Variants in APBA2 observed in about 807,000 individuals in gnomAD.
APBA2 encodes amyloid beta precursor protein binding family A member 2.
In APBA2, 30 loss-of-function variants were observed where a neutral mutation model predicts 75.0. That is an observed-to-expected ratio of 0.40 (90% confidence interval 0.30 to 0.54). The LOEUF is 0.54. Among genes scored for constraint, APBA2 ranks in the 20% least tolerant of loss-of-function variants. The probability of loss-of-function intolerance (pLI) is 0.49; values close to 1 mark genes in which losing one functional copy is unlikely to be tolerated. For synonymous variants in APBA2, 444 were observed against 409.6 expected (o/e 1.08, Z -1.01); for missense variants, 801 against 1,016.1 (o/e 0.79, Z 2.88).
chr15:29,105,253 G>A lies in APBA2; in HGVS notation c.1525-126G>A, dbSNP rs560850036. 22 of 941,538 alleles carry A rather than the reference G, an allele frequency of 2.3e-5. No individual in the cohort carries two copies. In the East Asian group the frequency reaches 3.2e-4, roughly 14 times the overall value. The allele number at this position is 941,538 out of a possible 1,614,324, so 58.3% of individuals were successfully genotyped here. A position where few individuals can be genotyped will look rare whatever the true frequency, so the allele number is the denominator to read the frequency against. On this transcript the variant is annotated intron_variant, in intron 10 of 14. Transcript: ENST00000683413. ...GTTTCTTTCTTGTTCTTCTAAGCCC[G>A]AGCAAGGGCTCCCTTGAAGGCTTAT...
intron 1 of APBA2, among the ~76,000 whole-genome samples, chr15:28,921,034 C>G (rs938007060): frequency 2.0e-5 from 3 of 152,134 alleles, no homozygotes; most frequent in African/African-American, 7.2e-5. Context: ...GATGGCTTCT[C>G]TGGGCACCAG....
intron 3 of APBA2, among the ~76,000 whole-genome samples, chr15:29,050,035 A>G (rs1566945769): frequency 6.6e-6 from 1 of 152,200 alleles, no homozygotes; most frequent in Non-Finnish European, 1.5e-5. Flanking sequence ...CATAAAATTA[A>G]TGAGACCCTC....
chr15:29,015,618 A>G (rs1305193554), intron 3 of APBA2, among the ~76,000 whole-genome samples: 1 of 152,250 alleles, frequency 6.6e-6, no homozygotes, highest in Non-Finnish European at 1.5e-5. Context: ...TAGTTGAGTG[A>G]ATACATTTTA....
intron 14 of APBA2, among the ~76,000 whole-genome samples, chr15:29,114,246 C>T (rs2044919041): frequency 6.6e-6 from 1 of 152,224 alleles, no homozygotes; most frequent in African/African-American, 2.4e-5. Context: ...GGGGGTGCTC[C>T]CTGGACACTA....
chr15:28,889,781 G>T (rs904867579), intron 1 of APBA2, among the ~76,000 whole-genome samples: 15 of 152,208 alleles, frequency 9.9e-5, no homozygotes, highest in African/African-American at 3.4e-4. Flanking sequence ...CACATGGCTG[G>T]CCCCTCACTT....
Position 28,982,070 on chromosome 15 carries a change from C to T in APBA2, c.-94-13683C>T, listed in dbSNP as rs542291191. 1.2e-3 allele frequency among the ~76,000 whole-genome samples: 182 copies of T among 152,230 alleles called. 5 individuals carry two copies. Among genetic ancestry groups the T allele is most frequent in the Non-Finnish European group, 2.9e-4 (20 of 68,024 alleles). On this transcript the variant is annotated intron_variant, in intron 2 of 14. Coordinates refer to ENST00000683413, the MANE Select transcript of APBA2 (RefSeq NM_001353788.2). Reference sequence around the variant, plus strand: ...GGTACTGTGCTTGTTACCTGGATGACGGGATTAATCATACCCCAAAGCTTA... The same window carrying T: ...GGTACTGTGCTTGTTACCTGGATGATGGGATTAATCATACCCCAAAGCTTA...
chr15:28,914,626 T>C (rs1310179803), intron 1 of APBA2, among the ~76,000 whole-genome samples: 1 of 152,042 alleles, frequency 6.6e-6, no homozygotes, highest in Non-Finnish European at 1.5e-5. Flanking sequence ...CATAAGGGAC[T>C]GGTCCTGCCC....
At chr15:29,049,184 A>G (rs1039608559) in intron 3 of APBA2, among the ~76,000 whole-genome samples, 1 of 152,164 alleles carries the variant, frequency 6.6e-6, no homozygotes, top group Non-Finnish European at 1.5e-5. Context: ...ATGAATACTG[A>G]TGCCTAGTTC....
At chr15:28,979,670 A>G (rs1481884964) in intron 2 of APBA2, among the ~76,000 whole-genome samples, 1 of 152,172 alleles carries the variant, frequency 6.6e-6, no homozygotes, top group East Asian at 1.9e-4. Flanking sequence ...CCGTGTGAGC[A>G]GATGGCCTTC....
intron 6 of APBA2, among the ~76,000 whole-genome samples, chr15:29,088,564 T>TC (rs1384614016): frequency 6.6e-6 from 1 of 152,098 alleles, no homozygotes; most frequent in Non-Finnish European, 1.5e-5. Context: ...GACCCCTAAA[T>TC]CCCCATCTGT....
chr15:29,113,254 C>G (rs967574063), intron 13 of APBA2, among the ~76,000 whole-genome samples: 1 of 152,062 alleles, frequency 6.6e-6, no homozygotes, highest in Non-Finnish European at 1.5e-5. Flanking sequence ...ATGGAAGCCC[C>G]CACCGCTGCA....
At chr15:28,994,175 G>A (rs898753166) in intron 2 of APBA2, among the ~76,000 whole-genome samples, 1 of 152,194 alleles carries the variant, frequency 6.6e-6, no homozygotes, top group African/African-American at 2.4e-5. Flanking sequence ...ACATTCTAGA[G>A]GTTCCCTTGC....
intron 11 of APBA2, among the ~76,000 whole-genome samples, chr15:29,105,997 G>T (rs1431172627): frequency 1.3e-5 from 2 of 152,238 alleles, no homozygotes; most frequent in Non-Finnish European, 2.9e-5. Context: ...ATTCCCTGGG[G>T]ATGGCCCATA....
Position 29,076,080 on chromosome 15 carries a change from GT to G in APBA2, c.1062del (p.Phe354LeufsTer41). 6.2e-7 allele frequency: 1 copy of G among 1,614,152 alleles called. No individual in the cohort carries two copies. The highest frequency in any genetic ancestry group is 8.5e-7 in the Non-Finnish European group (1 of 1,179,988). On this transcript the variant is annotated frameshift_variant, in exon 6 of 15. Transcript: ENST00000683413. LOFTEE classifies it high-confidence loss of function. ...ACAAAGAAGGTGGCATCATTTCCAAGTTTTGTGGCTGGTAAGTGACTTTGAA... is the reference window on the plus strand; with the variant it reads ...ACAAAGAAGGTGGCATCATTTCCAAGTTTGTGGCTGGTAAGTGACTTTGAA... ...PETKKVASFP[S>X]FVAVPGPCEP...
At chr15:29,108,140 G>T in intron 12 of APBA2, 130 bp from the exon 13 acceptor site, 1 of 1,352,670 alleles carries the variant, frequency 7.4e-7, no homozygotes, top group Non-Finnish European at 1.0e-6. Context: ...AGGCTGAGAG[G>T]GGACTGCCTG....
chr15:28,903,943 C>T (rs753537085), intron 1 of APBA2, among the ~76,000 whole-genome samples: 3 of 152,182 alleles, frequency 2.0e-5, no homozygotes, highest in Non-Finnish European at 4.4e-5. Context: ...GGTCTTACCA[C>T]TCATCCGGAT....
intron 4 of APBA2, among the ~76,000 whole-genome samples, chr15:29,063,948 G>A (rs1006043242): frequency 2.6e-5 from 4 of 152,122 alleles, no homozygotes; most frequent in African/African-American, 7.2e-5. Flanking sequence ...GGGTGAGGTC[G>A]GGTAAGGGCC....
intron 3 of APBA2, among the ~76,000 whole-genome samples, chr15:29,002,833 G>A (rs150628684): frequency 1.3e-5 from 2 of 152,258 alleles, no homozygotes; most frequent in African/African-American, 2.4e-5. Flanking sequence ...CAAGGGAGAC[G>A]AAGAGTGCAC....
intron 2 of APBA2, among the ~76,000 whole-genome samples, chr15:28,958,908 T>G (rs1329921829): frequency 6.6e-6 from 1 of 152,166 alleles, no homozygotes; most frequent in East Asian, 1.9e-4. Context: ...TAGTACTGCT[T>G]TGGTGGTTCA....
Sources: gnomAD v4.1 joint callset for allele counts (sites outside exome capture counted in the v4.1 genomes callset) on GRCh38, gnomAD v4.1.1 for gene constraint, MANE v1.5 for transcripts, NCBI Gene and HGNC (gene_info 2026-07-23, HGNC 2026-07-21) for gene names.